The following XPO1 variants were observed in gnomAD, a reference collection of about 807,000 sequenced individuals.
The protein encoded by XPO1 is exportin-1.
In XPO1, 5 loss-of-function variants were observed where a neutral mutation model predicts 133.3. That is an observed-to-expected ratio of 0.04 (90% CI 0.02 to 0.08). The LOEUF is 0.08. XPO1 is among the 10% of genes least tolerant of loss of function. The pLI is 1.00. For synonymous variants in XPO1, 419 were observed against 408.2 expected, an observed-to-expected ratio of 1.03 and a Z score of -0.32; for missense variants, 506 against 1,267.5, an observed-to-expected ratio of 0.40 and a Z score of 9.12.
At position 61,478,750 on chromosome 2, in the gene XPO1, G is replaced by T; in HGVS notation, c.*70C>A. ...TTTACAAATTGGCATCATTTTGGTCGACAAATACCCACATGCTGTTTTCCT... is the reference window on the plus strand; with the variant it reads ...TTTACAAATTGGCATCATTTTGGTCTACAAATACCCACATGCTGTTTTCCT... On this transcript the variant is annotated 3_prime_UTR_variant, in exon 25 of 25. Coordinates refer to ENST00000401558, the MANE Select transcript of XPO1 (RefSeq NM_003400.4). The T allele has an allele frequency of 6.6e-7, 1 of 1,507,852 alleles. No individual in the cohort carries two copies. Among genetic ancestry groups the T allele is most frequent in the Non-Finnish European group, 8.9e-7 (1 of 1,121,770 alleles). The allele number at this position is 1,507,852 out of a possible 1,614,324, so 93.4% of individuals were successfully genotyped here.
At chr2:61,487,804 A>C (rs1248887040) in intron 19 of XPO1, among the ~76,000 whole-genome samples, 1 of 152,168 alleles carries the variant, frequency 6.6e-6, no homozygotes, top group Non-Finnish European at 1.5e-5. Context: ...TAAAGAGGTA[A>C]AGTAATGACA....
At chr2:61,522,750 A>C in intron 3 of XPO1, 67 bp from the exon 4 acceptor site, 1 of 1,134,224 alleles carries the variant, frequency 8.8e-7, no homozygotes, top group East Asian at 2.4e-5. Context: ...CAGGATTCAC[A>C]AATGGACAGA....
chr2:61,509,548 C>G lies in XPO1; in HGVS notation c.302-7238G>C, dbSNP rs1260000448. Among the ~76,000 whole-genome samples the G allele has an allele frequency of 2.0e-5, 3 of 152,020 alleles. No homozygotes were observed. In the East Asian group the frequency reaches 5.8e-4, roughly 29 times the overall value. ...GGATGAGGCAGGAGAATCACTTCAA[C>G]CCAGGAGGCAGAGGTTGCAGTGAGT... On this transcript the variant is annotated intron_variant, in intron 4 of 24. Coordinates refer to ENST00000401558, the MANE Select transcript of XPO1 (RefSeq NM_003400.4).
chr2:61,486,106 C>T (rs906892284), intron 19 of XPO1, 144 bp from the exon 20 acceptor site: 75 of 760,596 alleles, frequency 9.9e-5, no homozygotes, highest in African/African-American at 9.8e-4. Flanking sequence ...GGGTTTCCTA[C>T]GTCAAAACAG....
In XPO1 at chr2:61,516,146, C is replaced by A. The variant is rs916557838; in HGVS notation, c.301+6465G>T. ...GTCGCAAAATTAAAAAAAAACAAAACAAAACAAAACCAACCTTGCATGGTG... is the reference window on the plus strand; with the variant it reads ...GTCGCAAAATTAAAAAAAAACAAAAAAAAACAAAACCAACCTTGCATGGTG... On this transcript the variant is annotated intron_variant, in intron 4 of 24. Transcript: ENST00000401558. Among the ~76,000 whole-genome samples the A allele has an allele frequency of 7.7e-3, 1,037 of 134,954 alleles. 4 individuals are homozygous for A. The highest frequency in any genetic ancestry group is 0.012 in the Middle Eastern group (3 of 246). 88.5% of individuals were successfully genotyped at this position (134,954 alleles called of 152,430 possible). A position where few individuals can be genotyped will look rare whatever the true frequency, so the allele number is the denominator to read the frequency against.
At position 61,507,107 on chromosome 2, in the gene XPO1, G is replaced by A. The variant is rs186883564; in HGVS notation, c.302-4797C>T. The stretch of plus-strand genomic sequence containing the variant: ...TAAAAACAAAAAAATTTAGCTGGGC[G>A]TGGTGGCATGCGCCTGTAGTCCCAG... On this transcript the variant is annotated intron_variant, in intron 4 of 24. Transcript: ENST00000401558. 2.8e-3 allele frequency among the ~76,000 whole-genome samples: 421 copies of A among 151,964 alleles called. 1 individual carries two copies. The highest frequency in any genetic ancestry group is 9.4e-3 in the African/African-American group (390 of 41,470).
intron 3 of XPO1, 121 bp downstream of exon 3, chr2:61,526,299 C>T (rs1698902081): frequency 6.9e-7 from 1 of 1,452,474 alleles, no homozygotes; most frequent in African/African-American, 1.5e-5. Context: ...AATTTTGAAA[C>T]AAATTAACAA....
intron 6 of XPO1, among the ~76,000 whole-genome samples, chr2:61,500,799 A>C (rs1233285456): frequency 6.6e-6 from 1 of 152,144 alleles, no homozygotes; most frequent in Non-Finnish European, 1.5e-5. Flanking sequence ...ACTCCATTTC[A>C]AACAAGAAAA....
At chr2:61,505,403 T>G (rs1463915697) in intron 4 of XPO1, among the ~76,000 whole-genome samples, 2 of 151,894 alleles carry the variant, frequency 1.3e-5, no homozygotes, top group East Asian at 1.9e-4. Context: ...TTTTTTTTTT[T>G]TTTTTTGAGA....
intron 4 of XPO1, among the ~76,000 whole-genome samples, chr2:61,519,466 G>A (rs982073183): frequency 6.6e-6 from 1 of 151,650 alleles, no homozygotes; most frequent in African/African-American, 2.4e-5. Context: ...TGGAGGCCGA[G>A]GCGGGAGGAC....
intron 8 of XPO1, 24 bp from the exon 9 acceptor site, chr2:61,498,816 T>G (rs1056109539): frequency 1.2e-6 from 2 of 1,611,446 alleles, no homozygotes; most frequent in African/African-American, 2.7e-5. Flanking sequence ...CACTTGTAAA[T>G]AATTGCTTTC....
At chr2:61,504,611 G>A (rs1285418952) in intron 4 of XPO1, among the ~76,000 whole-genome samples, 1 of 152,026 alleles carries the variant, frequency 6.6e-6, no homozygotes, top group Non-Finnish European at 1.5e-5. Context: ...AGCCTCATCT[G>A]GCATATATAG....
chr2:61,535,780 A>C (rs754598574), intron 1 of XPO1, among the ~76,000 whole-genome samples: 18 of 152,218 alleles, frequency 1.2e-4, no homozygotes, highest in Non-Finnish European at 2.4e-4. Context: ...AAACAGCAGA[A>C]TACTTGTTAC....
rs1396758803 is a variant in XPO1 at position 61,492,320 on chromosome 2, T to C, written c.1723+5A>G. ...AAGCAAAATATAGTAAAGAAAGAGA[T>C]TTACCATGCATGAATTCGAACAGCT... On this transcript the variant is annotated splice_donor_5th_base_variant and intron_variant, in intron 15 of 24. Transcript: ENST00000401558. This position sits in a 1 kb window ranked among gnomAD's most constrained non-coding sequence, Gnocchi z 5.6. 1.9e-6 allele frequency: 3 copies of C among 1,586,022 alleles called. No homozygotes were observed. The highest frequency in any genetic ancestry group is 4.5e-5 in the East Asian group (2 of 44,804).
chr2:61,482,743 T>A, intron 22 of XPO1: 3 of 734,134 alleles, frequency 4.1e-6, no homozygotes, highest in Admixed American at 3.3e-5. Flanking sequence ...ATAGGTGGGA[T>A]TGCAATCACA....
chr2:61,483,621 A>G (rs1019492601), intron 21 of XPO1: 7 of 225,810 alleles, frequency 3.1e-5, no homozygotes, highest in Non-Finnish European at 5.1e-5. Context: ...AGTTATGACT[A>G]TTACCACCCT....
chr2:61,532,910 GCT>G (rs2104837267), intron 2 of XPO1, among the ~76,000 whole-genome samples: 1 of 152,210 alleles, frequency 6.6e-6, no homozygotes, highest in South Asian at 2.1e-4. Flanking sequence ...GCACGCGGTG[GCT>G]CATGCCTGTA....
chr2:61,532,088 G>A (rs982985183), intron 2 of XPO1, among the ~76,000 whole-genome samples: 1 of 152,084 alleles, frequency 6.6e-6, no homozygotes, highest in African/African-American at 2.4e-5. Context: ...TTCAGAAAGT[G>A]TAATGGCACT....
chr2:61,501,474 C>A (rs572381715), intron 6 of XPO1, among the ~76,000 whole-genome samples: 1 of 151,826 alleles, frequency 6.6e-6, no homozygotes, highest in South Asian at 2.1e-4. Flanking sequence ...ATAATCCCAG[C>A]ACTTTGGGAG....
Sources: allele counts gnomAD v4.1 joint callset (sites outside exome capture counted in the v4.1 genomes callset), GRCh38; gene constraint gnomAD v4.1.1; non-coding constraint Gnocchi (gnomAD v3.1); transcripts MANE v1.5; gene names NCBI Gene and HGNC (gene_info 2026-07-23, HGNC 2026-07-21).